MAD1L1: variants seen among roughly 807,000 people sequenced by gnomAD.
MAD1L1 encodes the protein mitotic spindle assembly checkpoint protein MAD1.
In MAD1L1, 95 loss-of-function variants were observed where a neutral mutation model predicts 96.9. The observed-to-expected ratio is 0.98, with a 90% CI of 0.83 to 1.16. MAD1L1 has a LOEUF of 1.16. Ranked by LOEUF, MAD1L1 falls within the 50% of genes most tolerant of loss-of-function variation. The pLI, the probability that MAD1L1 is intolerant of heterozygous loss-of-function variation, is 0.00. For missense variants in MAD1L1, 1,007 were observed against 954.4 expected (o/e 1.06, Z -0.73); for synonymous variants, 473 against 396.6 (o/e 1.19, Z -2.29).
At chr7:1,933,588 G>A (rs980423171) in intron 17 of MAD1L1, among the ~76,000 whole-genome samples, 6 of 152,276 alleles carry the variant, frequency 3.9e-5, no homozygotes, top group African/African-American at 4.8e-5. Context: ...ACTGCCGGCC[G>A]CCCCCAGGCC....
At chr7:1,961,344 G>A (rs775080914) in intron 15 of MAD1L1, among the ~76,000 whole-genome samples, 1 of 152,192 alleles carries the variant, frequency 6.6e-6, no homozygotes, top group Non-Finnish European at 1.5e-5. Context: ...CACCAACTAC[G>A]TTAAAGCCGT....
At chr7:1,918,506 G>A (rs1457603673) in intron 17 of MAD1L1, among the ~76,000 whole-genome samples, 6 of 152,192 alleles carry the variant, frequency 3.9e-5, no homozygotes, top group Admixed American at 6.5e-5. Flanking sequence ...TCCACGGCAT[G>A]GGGGGCGCCC....
chr7:2,077,384 G>A lies in MAD1L1; in HGVS notation c.1074-8046C>T, dbSNP rs576805916. Among the ~76,000 whole-genome samples, 4 of 152,292 alleles carry A rather than the reference G, an allele frequency of 2.6e-5. No individual in the cohort carries two copies. The East Asian group carries it at 7.7e-4, about 29-fold the overall frequency. Reference sequence around the variant, plus strand: ...ACAGATGAGTAAATTCAAGCCTTGAGCGACTGAGTCATGAGCATGAAGCCA... The same window carrying A: ...ACAGATGAGTAAATTCAAGCCTTGAACGACTGAGTCATGAGCATGAAGCCA... On this transcript the variant is annotated intron_variant, in intron 11 of 18. Transcript: ENST00000265854.
intron 10 of MAD1L1, among the ~76,000 whole-genome samples, chr7:2,150,854 C>G (rs1179752142): frequency 6.6e-5 from 10 of 152,254 alleles, no homozygotes. Flanking sequence ...ACCCAAAGAA[C>G]AGGCCCCTTG....
chr7:1,864,075 G>C (rs59844887), intron 18 of MAD1L1, among the ~76,000 whole-genome samples: 3,912 of 152,262 alleles, frequency 0.026, 153 homozygotes, highest in African/African-American at 0.088. Flanking sequence ...CCTGGGCCCC[G>C]AGGAAAGCCG....
intron 13 of MAD1L1, among the ~76,000 whole-genome samples, chr7:2,004,548 G>T (rs1039801458): frequency 1.3e-5 from 2 of 152,210 alleles, no homozygotes; most frequent in Non-Finnish European, 2.9e-5. Flanking sequence ...GCGAGGCCCG[G>T]ACCAACCACG....
intron 18 of MAD1L1, among the ~76,000 whole-genome samples, chr7:1,875,368 G>T (rs1024100769): frequency 1.3e-5 from 2 of 152,312 alleles, no homozygotes; most frequent in East Asian, 3.9e-4. Context: ...CTGGCTGACA[G>T]TCGCCCTCCT....
intron 16 of MAD1L1, among the ~76,000 whole-genome samples, chr7:1,956,361 G>A (rs749292884): frequency 6.6e-6 from 1 of 152,182 alleles, no homozygotes; most frequent in Non-Finnish European, 1.5e-5. Context: ...CTCTGCACTT[G>A]CTTCTCCCAC....
intron 11 of MAD1L1, among the ~76,000 whole-genome samples, chr7:2,105,408 G>T (rs1412938273): frequency 6.8e-6 from 1 of 147,578 alleles, no homozygotes. Flanking sequence ...CTGCTGGCCT[G>T]GCAGCAGCAG....
At chr7:1,866,822 T>C (rs1050212861) in intron 18 of MAD1L1, among the ~76,000 whole-genome samples, 2 of 152,146 alleles carry the variant, frequency 1.3e-5, no homozygotes, top group African/African-American at 2.4e-5. Flanking sequence ...GGCAGCGACA[T>C]AGGGCCCGGT....
chr7:2,091,541 C>G (rs528367587), intron 11 of MAD1L1, among the ~76,000 whole-genome samples: 5 of 152,160 alleles, frequency 3.3e-5, no homozygotes. Flanking sequence ...TTTGGGAGGC[C>G]GAGGTGGGCG....
chr7:1,936,556 G>A (rs1778614112), intron 17 of MAD1L1, 131 bp downstream of exon 17: 1 of 938,542 alleles, frequency 1.1e-6, no homozygotes, highest in South Asian at 1.7e-5. Context: ...ACCAGACCCG[G>A]CTGCCCACAG....
intron 14 of MAD1L1, among the ~76,000 whole-genome samples, chr7:1,987,512 G>A (rs969974552): frequency 6.6e-6 from 1 of 152,110 alleles, no homozygotes; most frequent in Non-Finnish European, 1.5e-5. Flanking sequence ...TCTGCTGTCC[G>A]CCAATTTGAG....
intron 16 of MAD1L1, chr7:1,940,400 C>T (rs897267727): frequency 2.0e-5 from 3 of 152,258 alleles, no homozygotes; most frequent in Non-Finnish European, 4.4e-5. Flanking sequence ...CTACTTCATC[C>T]AGTTTTCACA....
chr7:1,930,926 C>T (rs1476260615), intron 17 of MAD1L1, among the ~76,000 whole-genome samples: 4 of 152,170 alleles, frequency 2.6e-5, no homozygotes, highest in African/African-American at 4.8e-5. Flanking sequence ...GAGGAGCATC[C>T]GTCTCTGTCT....
At chr7:2,036,270 G>A (rs1427130003) in intron 12 of MAD1L1, among the ~76,000 whole-genome samples, 2 of 110,270 alleles carry the variant, frequency 1.8e-5, no homozygotes, top group African/African-American at 3.6e-5. Flanking sequence ...AGTCGGGACA[G>A]AGCTGGGGTC....
intron 18 of MAD1L1, among the ~76,000 whole-genome samples, chr7:1,882,440 G>GA (rs920697224): frequency 9.9e-5 from 15 of 152,238 alleles, no homozygotes; most frequent in Admixed American, 2.0e-4. Context: ...GGCTTCAGAA[G>GA]AGACTGTGAA....
intron 18 of MAD1L1, among the ~76,000 whole-genome samples, chr7:1,875,770 G>A (rs1785355264): frequency 6.6e-6 from 1 of 152,236 alleles, no homozygotes; most frequent in Non-Finnish European, 1.5e-5. Flanking sequence ...CAGAGCAACT[G>A]TTACAGGCTG....
chr7:2,229,416 G>T (rs1444100929), intron 3 of MAD1L1, among the ~76,000 whole-genome samples: 1 of 152,248 alleles, frequency 6.6e-6, no homozygotes, highest in Non-Finnish European at 1.5e-5. Context: ...CTCTGCAGTT[G>T]TGTCTACAGT....
Sources: allele counts gnomAD v4.1 joint callset (sites outside exome capture counted in the v4.1 genomes callset), GRCh38; gene constraint gnomAD v4.1.1; transcripts MANE v1.5; gene names NCBI Gene and HGNC (gene_info 2026-07-23, HGNC 2026-07-21).